ZFYVE27: variants seen among roughly 807,000 people sequenced by gnomAD.
The protein encoded by ZFYVE27 is zinc finger FYVE-type containing 27.
In ZFYVE27, 36 loss-of-function variants were observed where a neutral mutation model predicts 52.8. That is an observed-to-expected ratio of 0.68 (90% CI 0.52 to 0.90). ZFYVE27 has a LOEUF of 0.90. Ranked by LOEUF, ZFYVE27 falls within the 40% of genes least tolerant of loss-of-function variation. The probability of loss-of-function intolerance (pLI) is 0.00; values close to 1 mark genes in which losing one functional copy is unlikely to be tolerated. For synonymous variants in ZFYVE27, 223 were observed against 215.6 expected, an observed-to-expected ratio of 1.03 and a Z score of -0.30; for missense variants, 450 against 527.2, an observed-to-expected ratio of 0.85 and a Z score of 1.43.
At chr10:97,755,032 G>A (rs11189355) in intron 10 of ZFYVE27, among the ~76,000 whole-genome samples, 1 of 152,052 alleles carries the variant, frequency 6.6e-6, no homozygotes. Context: ...TTGCCCTTGC[G>A]TGTGAAGTCC....
chr10:97,757,506 C>A lies in ZFYVE27; in HGVS notation c.1090-136C>A, dbSNP rs886237055. The A allele has an allele frequency of 1.9e-5, 24 of 1,264,584 alleles. 1 individual carries two copies. In the Admixed American group the frequency reaches 4.1e-4, roughly 21 times the overall value. 78.3% of individuals were successfully genotyped at this position (1,264,584 alleles called of 1,614,324 possible). A position where few individuals can be genotyped will look rare whatever the true frequency, so the allele number is the denominator to read the frequency against. On this transcript the variant is annotated intron_variant, in intron 11 of 12. Transcript: ENST00000684270. ...CTCCCCAGGGGGTATTCCATTTGCT[C>A]TCTTTCCTGCTCCACTTGGGCACCC...
At chr10:97,744,578 T>C in intron 3 of ZFYVE27, 151 bp from the exon 4 acceptor site, 1 of 845,100 alleles carries the variant, frequency 1.2e-6, no homozygotes, top group Non-Finnish European at 1.9e-6. Context: ...GGCTGGAGAG[T>C]AGGGGTGAGA....
At chr10:97,743,897 G>C (rs182280152) in intron 3 of ZFYVE27, among the ~76,000 whole-genome samples, 1 of 152,242 alleles carries the variant, frequency 6.6e-6, no homozygotes, top group Non-Finnish European at 1.5e-5. Flanking sequence ...AAACCCCTCA[G>C]GGTGAGAATA....
At chr10:97,737,752 C>T (rs999710480) in intron 1 of ZFYVE27, among the ~76,000 whole-genome samples, 1 of 152,238 alleles carries the variant, frequency 6.6e-6, no homozygotes, top group Admixed American at 6.5e-5. Context: ...AAAGGCTCCT[C>T]GGTTTCCTCA....
chr10:97,740,698 C>T (rs2043387164), intron 2 of ZFYVE27, among the ~76,000 whole-genome samples: 1 of 152,206 alleles, frequency 6.6e-6, no homozygotes, highest in Non-Finnish European at 1.5e-5. Flanking sequence ...AGTTTCTGTG[C>T]TGCTGGGAGA....
At chr10:97,757,500 T>C in intron 11 of ZFYVE27, 142 bp from the exon 12 acceptor site, 2 of 1,245,664 alleles carry the variant, frequency 1.6e-6, no homozygotes, top group Non-Finnish European at 2.4e-6. Context: ...GGGTATTCCA[T>C]TTGCTCTCTT....
chr10:97,749,716 G>A, intron 6 of ZFYVE27, 130 bp downstream of exon 6: 1 of 758,886 alleles, frequency 1.3e-6, no homozygotes, highest in Non-Finnish European at 2.3e-6. Flanking sequence ...ACCACACTGG[G>A]GTCCTCTCTC....
intron 12 of ZFYVE27, among the ~76,000 whole-genome samples, chr10:97,758,509 A>G (rs930101872): frequency 1.3e-5 from 2 of 151,700 alleles, no homozygotes; most frequent in Admixed American, 6.6e-5. Context: ...TTTAGTAGAG[A>G]CGGGGTTTCT....
chr10:97,755,061 C>T (rs11189356), intron 10 of ZFYVE27, among the ~76,000 whole-genome samples: 96,195 of 152,136 alleles, frequency 0.63, 32,095 homozygotes, highest in Non-Finnish European at 0.75. Context: ...ATGCCTGTCC[C>T]GCTTTTGTAT....
chr10:97,749,777 G>A (rs528156236), intron 6 of ZFYVE27, among the ~76,000 whole-genome samples, 191 bp downstream of exon 6: 7 of 152,330 alleles, frequency 4.6e-5, no homozygotes, highest in Non-Finnish European at 2.9e-5. Context: ...CTCACCAGGG[G>A]AGGCTGCTAC....
In ZFYVE27 at chr10:97,759,378, A is replaced by G. The variant is rs1260076492; in HGVS notation, c.*78A>G. The G allele has an allele frequency of 6.6e-7, 1 of 1,504,206 alleles. No individual in the cohort carries two copies. Among genetic ancestry groups the G allele is most frequent in the Admixed American group, 1.7e-5 (1 of 58,890 alleles). 93.2% of individuals were successfully genotyped at this position (1,504,206 alleles called of 1,614,324 possible). ...CCCCCACTCTCCCCACCCCTGGCCC[A>G]CTGTGGTGTGTGCTGGGCAAATGTG... On this transcript the variant is annotated 3_prime_UTR_variant, in exon 13 of 13. Coordinates refer to ENST00000684270, the MANE Select transcript of ZFYVE27 (RefSeq NM_001385875.1).
At chr10:97,740,344 G>C (rs2043280639) in intron 2 of ZFYVE27, among the ~76,000 whole-genome samples, 1 of 152,212 alleles carries the variant, frequency 6.6e-6, no homozygotes, top group Admixed American at 6.5e-5. Context: ...TCTACTGTAA[G>C]ATCACTGTGC....
At chr10:97,749,632 G>GGGCTA (rs750289029) in intron 6 of ZFYVE27, 46 bp downstream of exon 6, 123 of 1,519,244 alleles carry the variant, frequency 8.1e-5, no homozygotes, top group Non-Finnish European at 1.1e-4. Context: ...CTGGCTCTGA[G>GGGCTA]GGCTAGGCTA....
Position 97,748,306 on chromosome 10 carries a change from T to C in ZFYVE27, c.493T>C (p.Cys165Arg), listed in dbSNP as rs1590049637. The change falls in exon 5 of 13, where the codon TGC (cysteine) becomes CGC (arginine). Residue 165 changes from cysteine (C) to arginine (R), a missense_variant. Coordinates refer to ENST00000684270, the MANE Select transcript of ZFYVE27 (RefSeq NM_001385875.1). ...GGAGGCCTTCCTGAGCCGCCTGTGC[T>C]GCACATGTGAAGCCGCCTACCGCGT... is the stretch of plus-strand genomic sequence containing the variant. The part of the protein sequence containing the change: ...QLEAFLSRLC[C>R]TCEAAYRVLH... 1 of 1,614,190 alleles carries C rather than the reference T, an allele frequency of 6.2e-7. No homozygotes were observed. The highest frequency in any genetic ancestry group is 8.5e-7 in the Non-Finnish European group (1 of 1,180,044).
rs1047218270 is a variant in ZFYVE27 at position 97,752,939 on chromosome 10, C to T, written c.897+62C>T. On this transcript the variant is annotated intron_variant, in intron 9 of 12. Transcript: ENST00000684270. Reference sequence around the variant, plus strand: ...CTGGGGAGGGTGGCTGAACCGGCTGCTGCCACACCTCGTGGGGGCTGCCGC... The same window carrying T: ...CTGGGGAGGGTGGCTGAACCGGCTGTTGCCACACCTCGTGGGGGCTGCCGC... 33 of 1,612,348 alleles carry T rather than the reference C, an allele frequency of 2.0e-5. No individual in the cohort carries two copies. In the African/African-American group the frequency reaches 3.9e-4, roughly 19 times the overall value.
intron 12 of ZFYVE27, chr10:97,758,075 G>T: frequency 5.4e-6 from 1 of 184,860 alleles, no homozygotes; most frequent in Admixed American, 5.8e-5. Context: ...TTATTTCCTT[G>T]GCACTTTGAA....
intron 8 of ZFYVE27, 125 bp from the exon 9 acceptor site, chr10:97,752,732 T>G (rs1192737127): frequency 2.0e-5 from 22 of 1,092,650 alleles, no homozygotes; most frequent in Non-Finnish European, 2.9e-5. Context: ...ATTTGGGAAG[T>G]GCGCAGAGCT....
At chr10:97,758,357 C>T (rs775001044) in intron 12 of ZFYVE27, among the ~76,000 whole-genome samples, 7 of 142,812 alleles carry the variant, frequency 4.9e-5, no homozygotes, top group Non-Finnish European at 1.1e-4. Context: ...GAGTTTCACT[C>T]TTGTTGCCCA....
chr10:97,751,251 C>T, intron 7 of ZFYVE27, 140 bp from the exon 8 acceptor site: 2 of 941,748 alleles, frequency 2.1e-6, no homozygotes, highest in South Asian at 2.7e-5. Context: ...TTGCTCCTTC[C>T]TGTGAGTTCC....
Sources: gnomAD v4.1 joint callset for allele counts (sites outside exome capture counted in the v4.1 genomes callset) on GRCh38, gnomAD v4.1.1 for gene constraint, MANE v1.5 for transcripts, NCBI Gene and HGNC (gene_info 2026-07-23, HGNC 2026-07-21) for gene names.